Variants in EVC observed in about 807,000 individuals in gnomAD.
EVC encodes evC complex member EVC.
In EVC, 116 loss-of-function variants were observed where a neutral mutation model predicts 118.9. The observed-to-expected ratio is 0.98, with a 90% confidence interval of 0.84 to 1.14. The LOEUF (loss-of-function observed/expected upper bound fraction) is 1.14. Ranked by LOEUF, EVC falls within the 50% of genes most tolerant of loss-of-function variation. The pLI is 0.00. For synonymous variants in EVC, 619 were observed against 534.7 expected (o/e 1.16, Z -2.18); for missense variants, 1,401 against 1,246.4 (o/e 1.12, Z -1.87).
chr4:5,757,461 C>G (rs751161229), intron 11 of EVC, among the ~76,000 whole-genome samples: 1 of 152,118 alleles, frequency 6.6e-6, no homozygotes, highest in African/African-American at 2.4e-5. Flanking sequence ...CTAGGGCTGC[C>G]GTGGTGAATA....
In EVC at chr4:5,731,290, C is replaced by A; in HGVS notation, c.385-135C>A. 1 of 808,596 alleles carries A rather than the reference C, an allele frequency of 1.2e-6. No individual in the cohort carries two copies. The highest frequency in any genetic ancestry group is 2.2e-6 in the Non-Finnish European group (1 of 456,392). The allele number at this position is 808,596 out of a possible 1,614,324, so 50.1% of individuals were successfully genotyped here. ...TGGGACGGAAACTCTGTGGTGTCTG[C>A]TGGCACCCTGGCCAGTCTCCTCCAG... On this transcript the variant is annotated intron_variant, in intron 3 of 20. Transcript: ENST00000264956. The surrounding 1 kb of genome is among the most constrained non-coding windows in gnomAD (Gnocchi z 5.6).
intron 2 of EVC, among the ~76,000 whole-genome samples, chr4:5,724,066 T>C (rs1024692778): frequency 6.6e-6 from 1 of 152,218 alleles, no homozygotes; most frequent in Non-Finnish European, 1.5e-5. Flanking sequence ...TTGGAAGGTG[T>C]TAACCTCTGA....
chr4:5,825,425 G>A, the EVC span: 2 of 1,495,506 alleles, frequency 1.3e-6, no homozygotes, highest in Non-Finnish European at 1.8e-6. This position sits in a 1 kb window ranked among gnomAD's most constrained non-coding sequence, Gnocchi z 4.4. Flanking sequence ...CATTTCCTCA[G>A]AAGCAGCAGG....
At chr4:5,762,019 A>T (rs1205572553) in intron 11 of EVC, among the ~76,000 whole-genome samples, 1 of 149,446 alleles carries the variant, frequency 6.7e-6, no homozygotes, top group Non-Finnish European at 1.5e-5. Flanking sequence ...GTCATCTAGC[A>T]TTAGGTATAT....
chr4:5,798,377 T>A lies in EVC; in HGVS notation c.2098-209T>A, dbSNP rs1714361798. ...GGGCACGCAGTTGATGCTCAATAAA[T>A]GCCCTTTTTCTGGGGACACAGACAC... On this transcript the variant is annotated intron_variant, in intron 14 of 20. Coordinates refer to ENST00000264956, the MANE Select transcript of EVC (RefSeq NM_153717.3). This position sits in a 1 kb window ranked among gnomAD's most constrained non-coding sequence, Gnocchi z 4.1. Among the ~76,000 whole-genome samples, 1 of 152,204 alleles carries A rather than the reference T, an allele frequency of 6.6e-6. No individual in the cohort carries two copies.
At chr4:5,825,256 T>C in the EVC span, 1 of 985,154 alleles carries the variant, frequency 1.0e-6, no homozygotes, top group Non-Finnish European at 1.2e-6. This position sits in a 1 kb window ranked among gnomAD's most constrained non-coding sequence, Gnocchi z 4.4. Flanking sequence ...GTACCTCTCT[T>C]TGTAAACCCA....
intron 11 of EVC, among the ~76,000 whole-genome samples, chr4:5,757,125 T>A (rs2152100247): frequency 6.6e-6 from 1 of 152,230 alleles, no homozygotes; most frequent in South Asian, 2.1e-4. Flanking sequence ...CAGTCATAAT[T>A]CTTCTTCATG....
chr4:5,793,750 G>C, intron 13 of EVC, 33 bp downstream of exon 13: 1 of 1,496,028 alleles, frequency 6.7e-7, no homozygotes, highest in Non-Finnish European at 9.1e-7. Context: ...CCAGGGCTTT[G>C]TGTCCTGCAT....
chr4:5,810,238 A>G (rs1716673918), intron 19 of EVC, 101 bp from the exon 20 acceptor site: 1 of 901,838 alleles, frequency 1.1e-6, no homozygotes, highest in Non-Finnish European at 1.8e-6. Flanking sequence ...TGGCCCACAC[A>G]ACATGCTCAA....
intron 11 of EVC, among the ~76,000 whole-genome samples, chr4:5,779,081 C>T (rs1346244831): frequency 6.6e-6 from 1 of 152,140 alleles, no homozygotes; most frequent in Non-Finnish European, 1.5e-5. Flanking sequence ...TTCCCAGCAC[C>T]ATTTATTAAG....
chr4:5,795,509 G>A (rs1713778763), intron 13 of EVC, among the ~76,000 whole-genome samples: 1 of 152,148 alleles, frequency 6.6e-6, no homozygotes, highest in African/African-American at 2.4e-5. Flanking sequence ...AAAATTAGCT[G>A]GGCGTGGTGG....
At chr4:5,810,900 T>C (rs1716806909) in intron 20 of EVC, 53 bp from the exon 21 acceptor site, 1 of 1,503,788 alleles carries the variant, frequency 6.6e-7, no homozygotes. Flanking sequence ...TATGGCATCA[T>C]GATGGGCATG....
chr4:5,712,560 C>T (rs539837128), intron 1 of EVC, among the ~76,000 whole-genome samples: 5 of 152,276 alleles, frequency 3.3e-5, no homozygotes, highest in South Asian at 2.1e-4. Context: ...AAAGTCTGCG[C>T]GATCAGAAAC....
In EVC at chr4:5,754,002, C is replaced by T. The variant is rs1027656951; in HGVS notation, c.1464+69C>T. The T allele has an allele frequency of 3.3e-5, 52 of 1,593,614 alleles. No homozygotes were observed. The highest frequency in any genetic ancestry group is 8.4e-5 in the Admixed American group (5 of 59,874). On this transcript the variant is annotated intron_variant, in intron 10 of 20. Transcript: ENST00000264956. The surrounding 1 kb of genome is among the most constrained non-coding windows in gnomAD (Gnocchi z 5.8). ...GTAGCTCTGTTCCCGTGACTGAGCA[C>T]GGGACGCCGGAGGTATTCATCAGGC...
At chr4:5,717,421 T>C (rs1724159604) in intron 1 of EVC, among the ~76,000 whole-genome samples, 1 of 152,184 alleles carries the variant, frequency 6.6e-6, no homozygotes, top group Non-Finnish European at 1.5e-5. Flanking sequence ...TATTAGAGTC[T>C]GTCCTCAAAT....
At chr4:5,741,852 T>G (rs1362529083) in intron 6 of EVC, 38 bp downstream of exon 6, 2 of 1,123,560 alleles carry the variant, frequency 1.8e-6, no homozygotes, top group Non-Finnish European at 2.6e-6. Context: ...AACTTAAAAA[T>G]AGTTTATTAT....
the EVC span, chr4:5,826,446 G>C: frequency 6.6e-6 from 1 of 152,562 alleles, no homozygotes; most frequent in Non-Finnish European, 1.5e-5. Flanking sequence ...GGCTGGGGAT[G>C]CTGTGGGGAG....
Position 5,716,823 on chromosome 4 carries a change from C to T in EVC, c.175-2425C>T, listed in dbSNP as rs1437377757. On this transcript the variant is annotated intron_variant, in intron 1 of 20. Transcript: ENST00000264956. Reference sequence around the variant, plus strand: ...AAAAAGGGGGGACTCTGCTTCATCTCATAATTTCCATGGTTGCTGTTGAGA... The same window carrying T: ...AAAAAGGGGGGACTCTGCTTCATCTTATAATTTCCATGGTTGCTGTTGAGA... Among the ~76,000 whole-genome samples the T allele has an allele frequency of 4.6e-5, 7 of 152,182 alleles. No homozygotes were observed. In the East Asian group the frequency reaches 1.3e-3, roughly 29 times the overall value.
chr4:5,772,792 C>T (rs1022145559), intron 11 of EVC, among the ~76,000 whole-genome samples: 5 of 152,148 alleles, frequency 3.3e-5, no homozygotes, highest in Admixed American at 2.0e-4. Context: ...TCAGATGTCT[C>T]TCAGTTCCCC....
Sources: gnomAD v4.1 joint callset for allele counts (sites outside exome capture counted in the v4.1 genomes callset) on GRCh38, gnomAD v4.1.1 for gene constraint, Gnocchi (gnomAD v3.1) non-coding constraint, MANE v1.5 for transcripts, NCBI Gene and HGNC (gene_info 2026-07-23, HGNC 2026-07-21) for gene names.